Variants in ZNF586 observed in about 807,000 individuals in gnomAD.
The protein encoded by ZNF586 is zinc finger protein 586.
Under a neutral mutation model 6.7 loss-of-function variants are expected in ZNF586, and 7 were observed. The ratio of observed to expected loss-of-function variants is 1.04; its 90% CI spans 0.59 to 1.95. ZNF586 has a LOEUF of 1.95. Ranked by LOEUF, ZNF586 falls within the 30% of genes most tolerant of loss-of-function variation. ZNF586 has a pLI of 0.00. For synonymous variants in ZNF586, 166 were observed against 168.7 expected (o/e 0.98, Z 0.12); for missense variants, 442 against 489.6 (o/e 0.90, Z 0.92).
intron 2 of ZNF586, among the ~76,000 whole-genome samples, chr19:57,777,576 A>C (rs1987263810): frequency 6.6e-6 from 1 of 151,974 alleles, no homozygotes; most frequent in African/African-American, 2.4e-5. Context: ...CCCATTCTTG[A>C]GAGTGCCAGT....
At chr19:57,775,512 A>G (rs959238944) in intron 1 of ZNF586, among the ~76,000 whole-genome samples, 1 of 151,954 alleles carries the variant, frequency 6.6e-6, no homozygotes, top group African/African-American at 2.4e-5. Context: ...AAAAATAAAA[A>G]CAAGCCAGTT....
intron 1 of ZNF586, among the ~76,000 whole-genome samples, chr19:57,771,747 C>G (rs1236348062): frequency 6.6e-6 from 1 of 152,020 alleles, no homozygotes; most frequent in African/African-American, 2.4e-5. Context: ...CTGCCCTAGT[C>G]GAGGTGAGGA....
intron 1 of ZNF586, among the ~76,000 whole-genome samples, chr19:57,772,058 G>A (rs1325567816): frequency 1.3e-5 from 2 of 152,104 alleles, no homozygotes; most frequent in African/African-American, 2.4e-5. Flanking sequence ...TCCTGACCTC[G>A]TGATCCACCC....
At chr19:57,775,003 CT>C (rs11310885) in intron 1 of ZNF586, among the ~76,000 whole-genome samples, 68,380 of 141,458 alleles carry the variant, frequency 0.48, 17,172 homozygotes, top group African/African-American at 0.69. Context: ...TTCTTTTTTT[CT>C]TTTTTTTTTT....
chr19:57,770,430 G>T (rs766356155), intron 1 of ZNF586, among the ~76,000 whole-genome samples: 1 of 152,140 alleles, frequency 6.6e-6, no homozygotes, highest in Non-Finnish European at 1.5e-5. Flanking sequence ...TGGCCGAGGC[G>T]GAGTTGTTTC....
rs773239363 is a variant in ZNF586 at position 57,779,834 on chromosome 19, T to A, written c.*38T>A. 1.3e-6 allele frequency: 2 copies of A among 1,525,650 alleles called. No individual in the cohort carries two copies. The highest frequency in any genetic ancestry group is 1.8e-6 in the Non-Finnish European group (2 of 1,129,670). The allele number at this position is 1,525,650 out of a possible 1,614,324, so 94.5% of individuals were successfully genotyped here. ...AAATTCTCTTGCCCAGGCTTTTTGC[T>A]CCTTCAAGGCCAGAGAGTTCACACC... On this transcript the variant is annotated 3_prime_UTR_variant, in exon 3 of 3. Transcript: ENST00000396154.
At position 57,769,718 on chromosome 19, in the gene ZNF586, G is replaced by C. The variant is rs1446369678; in HGVS notation, c.-125G>C. 1.2e-5 allele frequency: 12 copies of C among 1,028,538 alleles called. No individual in the cohort carries two copies. The highest frequency in any genetic ancestry group is 6.4e-5 in the African/African-American group (4 of 62,380). 63.7% of individuals were successfully genotyped at this position (1,028,538 alleles called of 1,614,324 possible). The stretch of plus-strand genomic sequence containing the variant: ...GGCGATGCTGGGTCTGGACGAGCTC[G>C]GGAGGAGTGGTTGTGGCCATTGCAC... On this transcript the variant is annotated 5_prime_UTR_variant, in exon 1 of 3. Transcript: ENST00000396154.
intron 1 of ZNF586, 113 bp downstream of exon 1, chr19:57,769,991 G>A: frequency 1.9e-6 from 2 of 1,037,276 alleles, no homozygotes; most frequent in East Asian, 3.2e-5. Flanking sequence ...GTCAGGGACG[G>A]AGAGGCGCCG....
chr19:57,776,628 G>A lies in ZNF586; in HGVS notation c.122G>A (p.Arg41His), dbSNP rs376431634. 2.2e-5 allele frequency: 36 copies of A among 1,611,224 alleles called. No homozygotes were observed. Among genetic ancestry groups the A allele is most frequent in the African/African-American group, 8.0e-5 (6 of 74,728 alleles). The part of the protein sequence containing the change: ...LLNEAQRCLY[R>H]DVMLETLTLI... The stretch of plus-strand genomic sequence containing the variant: ...AATGAGGCTCAGAGATGCCTGTACC[G>A]TGACGTGATGCTGGAGACCTTGACA... The change falls in exon 2 of 3, where the codon CGT (arginine) becomes CAT (histidine). Residue 41 changes from arginine to histidine, a missense_variant. Arg to His is a conservative substitution (Grantham distance 29, BLOSUM62 0). Coordinates refer to ENST00000396154, the MANE Select transcript of ZNF586 (RefSeq NM_017652.4).
At chr19:57,771,315 A>AG (rs1491044124) in intron 1 of ZNF586, among the ~76,000 whole-genome samples, 7 of 116,558 alleles carry the variant, frequency 6.0e-5, no homozygotes, top group East Asian at 5.5e-4. Context: ...AAAAAAAAAA[A>AG]AGAGAGAGAG....
chr19:57,773,390 T>TTTC (rs200967992), intron 1 of ZNF586, among the ~76,000 whole-genome samples: 1 of 134,724 alleles, frequency 7.4e-6, no homozygotes, highest in African/African-American at 2.9e-5. Flanking sequence ...GATACATCTG[T>TTTC]TTCTTCTTCT....
intron 1 of ZNF586, 84 bp from the exon 2 acceptor site, chr19:57,776,459 G>A (rs2122561435): frequency 2.7e-6 from 4 of 1,496,608 alleles, no homozygotes; most frequent in East Asian, 4.8e-5. Flanking sequence ...AGGAGGATGG[G>A]CAAGGGTAGA....
In ZNF586 at chr19:57,769,838, G is replaced by C. The variant is rs1987043752; in HGVS notation, c.-5G>C. On this transcript the variant is annotated 5_prime_UTR_variant, in exon 1 of 3. Transcript: ENST00000396154. ...CGAGCCCGCGTTCCCCCCCCGCCCAGAGTCATGGCGGCAGCAGCCGCTCTG... is the reference window on the plus strand; with the variant it reads ...CGAGCCCGCGTTCCCCCCCCGCCCACAGTCATGGCGGCAGCAGCCGCTCTG... 1 of 1,540,838 alleles carries C rather than the reference G, an allele frequency of 6.5e-7. No individual in the cohort carries two copies. The highest frequency in any genetic ancestry group is 8.7e-7 in the Non-Finnish European group (1 of 1,143,700).
intron 2 of ZNF586, among the ~76,000 whole-genome samples, chr19:57,777,351 T>C (rs1015303484): frequency 6.6e-6 from 1 of 152,218 alleles, no homozygotes; most frequent in Non-Finnish European, 1.5e-5. Context: ...TTCCATGTAG[T>C]TGCTCATCTT....
chr19:57,778,844 G>A lies in ZNF586; in HGVS notation c.257G>A (p.Arg86Lys), dbSNP rs759361364. Residue 86 changes from arginine to lysine, a missense_variant, in exon 3 of 3, where the codon AGG becomes AAG. By Grantham distance (26) the Arg-to-Lys change is conservative (BLOSUM62 2). Transcript: ENST00000396154. ...YKDQGGHSGE[R>K]PYECGEYRKL... is the part of the protein sequence containing the mutation. ...GACCAGGGAGGTCATAGTGGAGAAAGGCCTTATGAGTGTGGGGAATATAGG... is the reference window on the plus strand; with the variant it reads ...GACCAGGGAGGTCATAGTGGAGAAAAGCCTTATGAGTGTGGGGAATATAGG... 2 of 1,614,198 alleles carry A rather than the reference G, an allele frequency of 1.2e-6. No individual in the cohort carries two copies. The highest frequency in any genetic ancestry group is 1.7e-6 in the Non-Finnish European group (2 of 1,180,042).
chr19:57,778,800 G>T lies in ZNF586; in HGVS notation c.213G>T (p.Thr71=). ...AGGCAGCACCTTCTAAGCAGAGCAC[G>T]TGTATACATATATACAAAGACCAGG... is the stretch of plus-strand genomic sequence containing the variant. The part of the protein sequence containing the change: ...EDEAAPSKQS[T]CIHIYKDQGG... The change falls in exon 3 of 3, where the codon ACG becomes ACT. Residue 71 remains threonine, a synonymous_variant. Transcript: ENST00000396154. The T allele has an allele frequency of 1.2e-6, 2 of 1,614,054 alleles. No homozygotes were observed. The highest frequency in any genetic ancestry group is 1.7e-6 in the Non-Finnish European group (2 of 1,179,984).
rs1254797807 is a variant in ZNF586, at chr19:57,780,443, G to T, written c.*647G>T. 6.6e-6 allele frequency: 1 copy of T among 152,094 alleles called. No homozygotes were observed. The highest frequency in any genetic ancestry group is 2.4e-5 in the African/African-American group (1 of 41,386). The allele number at this position is 152,094 out of a possible 1,614,324, so 9.4% of individuals were successfully genotyped here. A position where few individuals can be genotyped will look rare whatever the true frequency, so the allele number is the denominator to read the frequency against. The stretch of plus-strand genomic sequence containing the variant: ...ACTCTTCTGATAACTTGAAAAAATG[G>T]ACTACCTTTTTCAGGGATCTTTTGG... On this transcript the variant is annotated 3_prime_UTR_variant, in exon 3 of 3. Transcript: ENST00000396154.
At chr19:57,772,248 GGT>G (rs1335465506) in intron 1 of ZNF586, among the ~76,000 whole-genome samples, 1 of 152,192 alleles carries the variant, frequency 6.6e-6, no homozygotes, top group Non-Finnish European at 1.5e-5. Flanking sequence ...GTTGATAGCA[GGT>G]GTAATATTCA....
intron 1 of ZNF586, among the ~76,000 whole-genome samples, chr19:57,773,392 TCTTC>T (rs1987143388): frequency 1.8e-5 from 1 of 57,106 alleles, no homozygotes; most frequent in Non-Finnish European, 3.7e-5. Context: ...TACATCTGTT[TCTTC>T]TTCTTCTTTT....
Sources: gnomAD v4.1 joint callset for allele counts (sites outside exome capture counted in the v4.1 genomes callset) on GRCh38, gnomAD v4.1.1 for gene constraint, MANE v1.5 for transcripts, NCBI Gene and HGNC (gene_info 2026-07-23, HGNC 2026-07-21) for gene names.